KIAA1217: variants seen among roughly 807,000 people sequenced by gnomAD.
The protein encoded by KIAA1217 is sickle tail protein homolog.
A neutral mutation model predicts 163.9 loss-of-function variants in KIAA1217; 88 were observed. That is an observed-to-expected ratio of 0.54 (90% CI 0.45 to 0.64). The LOEUF is 0.64. KIAA1217 is among the 30% of genes least tolerant of loss of function. The pLI is 0.00. For missense variants in KIAA1217, 2,372 were observed against 2,475.0 expected (o/e 0.96, Z 0.88); for synonymous variants, 903 against 923.1 (o/e 0.98, Z 0.39).
Position 24,545,891 on chromosome 10 carries a change from C to T in KIAA1217, c.5399C>T (p.Ser1800Phe). ...FKPTSPSLPA[S>F]KIPALSPSSG... ...CCTACTTCCCCCTCCTTACCTGCTT[C>T]TAAGATTCCAGCCCTTTCTCCCAGC... The change falls in exon 21 of 21, where the codon TCT becomes TTT. Residue 1800 changes from serine (S) to phenylalanine (F), a missense_variant. Around this residue, in one of 3 missense-constraint regions of KIAA1217, gnomAD observed 690 missense variants for 677.5 expected, o/e 1.02. Coordinates refer to ENST00000376454, the MANE Select transcript of KIAA1217 (RefSeq NM_019590.5). 1 of 1,614,012 alleles carries T rather than the reference C, an allele frequency of 6.2e-7. No homozygotes were observed.
At chr10:24,227,954 C>T (rs1291363814) in intron 2 of KIAA1217, among the ~76,000 whole-genome samples, 4 of 152,124 alleles carry the variant, frequency 2.6e-5, no homozygotes, top group Non-Finnish European at 5.9e-5. Context: ...CCCTCCTCAA[C>T]CATCCCCTCC....
intron 2 of KIAA1217, among the ~76,000 whole-genome samples, chr10:24,195,414 G>A (rs2066938040): frequency 6.6e-6 from 1 of 152,160 alleles, no homozygotes; most frequent in African/African-American, 2.4e-5. Flanking sequence ...TGACTCTGCA[G>A]GTTGCCCAAG....
intron 2 of KIAA1217, among the ~76,000 whole-genome samples, chr10:24,243,523 G>GT (rs1025942017): frequency 6.7e-6 from 1 of 150,158 alleles, no homozygotes; most frequent in Admixed American, 6.7e-5. Context: ...TGCAGTATTT[G>GT]TTTTTTTTGT....
Position 24,009,947 on chromosome 10 carries a change from A to T in KIAA1217, c.-171+2573A>T, listed in dbSNP as rs539161823. On this transcript the variant is annotated intron_variant, in intron 2 of 18. Transcript: ENST00000376462. Reference sequence around the variant, plus strand: ...GGGCTCTGTCCTTGTGGTTGTCCATAGGCAGTCAGAATTAATTACTCATAA... The same window carrying T: ...GGGCTCTGTCCTTGTGGTTGTCCATTGGCAGTCAGAATTAATTACTCATAA... 1.6e-4 allele frequency among the ~76,000 whole-genome samples: 24 copies of T among 152,276 alleles called. 1 individual carries two copies. In the South Asian group the frequency reaches 4.8e-3, roughly 30 times the overall value.
At chr10:23,734,283 AC>A (rs1021141595) in intron 1 of KIAA1217, among the ~76,000 whole-genome samples, 4 of 137,584 alleles carry the variant, frequency 2.9e-5, no homozygotes, top group South Asian at 4.5e-4. Context: ...TTAGATTTAA[AC>A]CTTTTTTTTT....
chr10:24,540,885 C>T (rs1383586606), intron 17 of KIAA1217, among the ~76,000 whole-genome samples: 1 of 152,126 alleles, frequency 6.6e-6, no homozygotes, highest in Non-Finnish European at 1.5e-5. Context: ...TCTCCTGCCT[C>T]AGCCTCCCAC....
At chr10:24,215,482 G>A (rs746872088) in intron 1 of KIAA1217, among the ~76,000 whole-genome samples, 1 of 152,188 alleles carries the variant, frequency 6.6e-6, no homozygotes, top group Non-Finnish European at 1.5e-5. Context: ...TTGATGACTT[G>A]GATAATCCAC....
chr10:24,129,743 A>C (rs1237584577), intron 2 of KIAA1217, among the ~76,000 whole-genome samples: 2 of 152,098 alleles, frequency 1.3e-5, no homozygotes, highest in Admixed American at 1.3e-4. Context: ...CATTCCTAGA[A>C]ACTTGATGTG....
At chr10:24,115,012 G>A in intron 2 of KIAA1217, among the ~76,000 whole-genome samples, 1 of 152,164 alleles carries the variant, frequency 6.6e-6, no homozygotes, top group East Asian at 1.9e-4. Flanking sequence ...TACCTTTTCA[G>A]GAAGGTTCTC....
chr10:24,531,277 T>G (rs145718795), intron 14 of KIAA1217, among the ~76,000 whole-genome samples: 2 of 152,266 alleles, frequency 1.3e-5, no homozygotes, highest in African/African-American at 4.8e-5. Flanking sequence ...TGTTCTTTGT[T>G]CTCATTTGCA....
At chr10:23,901,243 T>C (rs540547497) in intron 1 of KIAA1217, among the ~76,000 whole-genome samples, 4 of 152,226 alleles carry the variant, frequency 2.6e-5, no homozygotes, top group African/African-American at 7.2e-5. Flanking sequence ...AAGATCTCCC[T>C]GTTAGTAAAG....
intron 2 of KIAA1217, among the ~76,000 whole-genome samples, chr10:24,265,816 G>C (rs952307836): frequency 1.1e-4 from 16 of 152,136 alleles, no homozygotes; most frequent in Admixed American, 2.0e-4. Context: ...TAGTTACAAG[G>C]GTGGTGAGTA....
chr10:24,437,332 G>A (rs1158877941), intron 4 of KIAA1217, among the ~76,000 whole-genome samples: 2 of 152,216 alleles, frequency 1.3e-5, no homozygotes, highest in East Asian at 3.9e-4. Flanking sequence ...GCTTGGGCTA[G>A]TCATTGCTTC....
chr10:23,730,038 A>G (rs1216623397), intron 1 of KIAA1217, among the ~76,000 whole-genome samples: 1 of 152,034 alleles, frequency 6.6e-6, no homozygotes, highest in African/African-American at 2.4e-5. Flanking sequence ...AGTAGGTGGG[A>G]CAACAGGCGC....
intron 15 of KIAA1217, among the ~76,000 whole-genome samples, 181 bp downstream of exon 15, chr10:24,532,174 A>G (rs1338675152): frequency 6.6e-6 from 1 of 152,222 alleles, no homozygotes; most frequent in Non-Finnish European, 1.5e-5. Flanking sequence ...CTAGACCCAG[A>G]CCATGAGTTT....
chr10:24,247,327 G>A (rs2073939293), intron 2 of KIAA1217, among the ~76,000 whole-genome samples: 1 of 151,858 alleles, frequency 6.6e-6, no homozygotes, highest in African/African-American at 2.4e-5. Flanking sequence ...GTCTCACTGT[G>A]TTTTGCCCAG....
At chr10:23,714,052 C>T (rs1464858320) in intron 1 of KIAA1217, among the ~76,000 whole-genome samples, 1 of 152,016 alleles carries the variant, frequency 6.6e-6, no homozygotes, top group Non-Finnish European at 1.5e-5. Flanking sequence ...TTCTATATTT[C>T]CTGGCAAAGG....
intron 1 of KIAA1217, among the ~76,000 whole-genome samples, chr10:23,804,974 G>A (rs971719920): frequency 2.6e-5 from 4 of 152,102 alleles, no homozygotes; most frequent in Non-Finnish European, 4.4e-5. Context: ...ACAAGTCAGA[G>A]TGGCTAATAT....
chr10:24,008,038 A>T (rs1847074147), intron 2 of KIAA1217, among the ~76,000 whole-genome samples: 1 of 152,180 alleles, frequency 6.6e-6, no homozygotes. Context: ...TCAATATTTT[A>T]TGCTAATAAA....
Sources: allele counts gnomAD v4.1 joint callset (sites outside exome capture counted in the v4.1 genomes callset), GRCh38; gene constraint gnomAD v4.1.1; regional missense constraint gnomAD v4.1.1; transcripts MANE v1.5; gene names NCBI Gene and HGNC (gene_info 2026-07-23, HGNC 2026-07-21).